Variants in ST8SIA4 observed in about 807,000 individuals in gnomAD.
ST8SIA4 encodes the protein CMP-N-acetylneuraminate-poly-alpha-2,8-sialyltransferase.
ST8SIA4 carries 15 observed loss-of-function variants against 33.9 expected under a neutral mutation model. That is an observed-to-expected ratio of 0.44 (90% confidence interval 0.30 to 0.68). ST8SIA4 has a LOEUF of 0.68. ST8SIA4 is among the 30% of genes least tolerant of loss of function. ST8SIA4 has a pLI of 0.10. For missense variants in ST8SIA4, 321 were observed against 428.0 expected (o/e 0.75, Z 2.21); for synonymous variants, 171 against 151.2 (o/e 1.13, Z -0.96).
At chr5:100,888,271 T>C (rs1752585314) in intron 2 of ST8SIA4, among the ~76,000 whole-genome samples, 1 of 151,792 alleles carries the variant, frequency 6.6e-6, no homozygotes. Flanking sequence ...CAACAAAATC[T>C]AATGCTTAAT....
chr5:100,889,378 A>C (rs887221865), intron 2 of ST8SIA4, among the ~76,000 whole-genome samples: 3 of 151,928 alleles, frequency 2.0e-5, no homozygotes, highest in Non-Finnish European at 2.9e-5. Flanking sequence ...TATAATTTAA[A>C]TGGGTTGCTG....
At chr5:100,849,540 G>T in intron 4 of ST8SIA4, 1 of 802,004 alleles carries the variant, frequency 1.2e-6, no homozygotes, top group Non-Finnish European at 1.5e-6. Flanking sequence ...CCCGCACTTT[G>T]GGAGGCTAAG....
At position 100,808,451 on chromosome 5, in the gene ST8SIA4, C is replaced by A. The variant is rs1750738338; in HGVS notation, c.*3396G>T. ...CTCACTTTTTATTTCAGCAACTTAA[C>A]ATTAACTACAGCACAGGCTGAATAA... On this transcript the variant is annotated 3_prime_UTR_variant, in exon 5 of 5. Coordinates refer to ENST00000231461, the MANE Select transcript of ST8SIA4 (RefSeq NM_005668.6). The A allele has an allele frequency of 6.6e-6, 1 of 152,640 alleles. No homozygotes were observed. The highest frequency in any genetic ancestry group is 6.5e-5 in the Admixed American group (1 of 15,292). 9.5% of individuals were successfully genotyped at this position (152,640 alleles called of 1,614,324 possible).
In ST8SIA4 at chr5:100,814,070, A is replaced by G. The variant is rs190460042; in HGVS notation, c.798-1941T>C. On this transcript the variant is annotated intron_variant, in intron 4 of 4. Coordinates refer to ENST00000231461, the MANE Select transcript of ST8SIA4 (RefSeq NM_005668.6). Reference sequence around the variant, plus strand: ...AGGTTTCCTCGAGGTTCATGTAACTATGGTTGCTCATTGACAAATACCAAA... The same window carrying G: ...AGGTTTCCTCGAGGTTCATGTAACTGTGGTTGCTCATTGACAAATACCAAA... Among the ~76,000 whole-genome samples the G allele has an allele frequency of 2.1e-3, 318 of 152,158 alleles. 2 individuals are homozygous for G. Among genetic ancestry groups the G allele is most frequent in the African/African-American group, 7.2e-3 (298 of 41,556 alleles).
intron 2 of ST8SIA4, among the ~76,000 whole-genome samples, chr5:100,889,584 G>A (rs554452214): frequency 2.4e-4 from 37 of 152,026 alleles, no homozygotes; most frequent in Middle Eastern, 6.8e-3. Context: ...CAGCACCTTT[G>A]CTGTGTTATA....
intron 1 of ST8SIA4, among the ~76,000 whole-genome samples, 182 bp downstream of exon 1, chr5:100,902,661 G>C (rs1752946851): frequency 6.6e-6 from 1 of 152,142 alleles, no homozygotes; most frequent in Non-Finnish European, 1.5e-5. Flanking sequence ...ACTCATACTG[G>C]GAACAGCTTA....
intron 3 of ST8SIA4, among the ~76,000 whole-genome samples, chr5:100,877,243 A>T (rs1056364883): frequency 6.6e-6 from 1 of 152,170 alleles, no homozygotes; most frequent in Non-Finnish European, 1.5e-5. Flanking sequence ...CATCTCCAGG[A>T]TAATAAAAAA....
intron 3 of ST8SIA4, among the ~76,000 whole-genome samples, chr5:100,865,327 A>G (rs1202417371): frequency 6.6e-6 from 1 of 152,194 alleles, no homozygotes; most frequent in African/African-American, 2.4e-5. Context: ...TCAGATACTG[A>G]ATAGTTTTTT....
chr5:100,851,949 C>A (rs1444039487), intron 4 of ST8SIA4, among the ~76,000 whole-genome samples: 1 of 151,560 alleles, frequency 6.6e-6, no homozygotes, highest in Non-Finnish European at 1.5e-5. Flanking sequence ...ATAAAACTGT[C>A]ATTAATTTAA....
chr5:100,840,332 T>C (rs983349078), intron 4 of ST8SIA4, among the ~76,000 whole-genome samples: 1 of 151,872 alleles, frequency 6.6e-6, no homozygotes, highest in Non-Finnish European at 1.5e-5. Flanking sequence ...GTGTGTCTAT[T>C]TATATATATG....
At chr5:100,865,668 T>C (rs1363546938) in intron 3 of ST8SIA4, among the ~76,000 whole-genome samples, 1 of 152,158 alleles carries the variant, frequency 6.6e-6, no homozygotes, top group Non-Finnish European at 1.5e-5. Flanking sequence ...TTTCTAATAC[T>C]ATGTCACTAT....
chr5:100,847,828 A>G (rs752663701), intron 4 of ST8SIA4, among the ~76,000 whole-genome samples: 29 of 152,078 alleles, frequency 1.9e-4, no homozygotes, highest in Admixed American at 3.3e-4. Context: ...ATTGTGGTGT[A>G]AAGTACGGGC....
intron 2 of ST8SIA4, among the ~76,000 whole-genome samples, chr5:100,888,745 C>T (rs1752595163): frequency 6.6e-6 from 1 of 151,832 alleles, no homozygotes; most frequent in Non-Finnish European, 1.5e-5. Flanking sequence ...GAAAGTAACT[C>T]ATATCTTTTC....
chr5:100,893,367 A>C (rs1752714135), intron 2 of ST8SIA4, among the ~76,000 whole-genome samples: 1 of 152,156 alleles, frequency 6.6e-6, no homozygotes, highest in Admixed American at 6.6e-5. Flanking sequence ...TTTCCTTTCA[A>C]GGAAGTGACA....
intron 4 of ST8SIA4, among the ~76,000 whole-genome samples, chr5:100,849,678 C>T (rs562123393): frequency 6.6e-6 from 1 of 151,972 alleles, no homozygotes; most frequent in East Asian, 1.9e-4. Context: ...GTAGTCGCAG[C>T]TACTGGGGAG....
rs1471386970 is a variant in ST8SIA4 at position 100,895,665 on chromosome 5, G to T, written c.234C>A (p.Val78=). ...GTAAAGAAACTCACCTTATCTCTAGGACCAAAGAGGAATTGATTTTCCAAC... is the reference window on the plus strand; with the variant it reads ...GTAAAGAAACTCACCTTATCTCTAGTACCAAAGAGGAATTGATTTTCCAAC... ...VEGWKINSSL[V]LEIRKNILRF... is the part of the protein sequence containing the mutation. Residue 78 remains valine, a synonymous_variant, in exon 2 of 5, where the codon GTC becomes GTA. Transcript: ENST00000231461. The T allele has an allele frequency of 3.1e-6, 5 of 1,610,502 alleles. No homozygotes were observed. The Middle Eastern group carries it at 5.0e-4, about 160-fold the overall frequency.
At chr5:100,870,891 A>G (rs1260821384) in intron 3 of ST8SIA4, among the ~76,000 whole-genome samples, 1 of 152,154 alleles carries the variant, frequency 6.6e-6, no homozygotes, top group South Asian at 2.1e-4. Flanking sequence ...AATTTCATAG[A>G]TCAAAATCAT....
intron 3 of ST8SIA4, among the ~76,000 whole-genome samples, chr5:100,866,613 A>G (rs548964091): frequency 7.2e-6 from 1 of 139,578 alleles, no homozygotes; most frequent in Non-Finnish European, 1.6e-5. Flanking sequence ...CACACACACA[A>G]ATACATATTA....
At chr5:100,883,909 A>G (rs990561617) in intron 3 of ST8SIA4, among the ~76,000 whole-genome samples, 9 of 152,218 alleles carry the variant, frequency 5.9e-5, no homozygotes, top group African/African-American at 2.2e-4. Context: ...AGCAGCATGA[A>G]AATGGACTAA....
Sources: gnomAD v4.1 joint callset for allele counts (sites outside exome capture counted in the v4.1 genomes callset) on GRCh38, gnomAD v4.1.1 for gene constraint, MANE v1.5 for transcripts, NCBI Gene and HGNC (gene_info 2026-07-23, HGNC 2026-07-21) for gene names.